The following ANKRD26 variants were observed in gnomAD, a reference collection of about 807,000 sequenced individuals.
ANKRD26 encodes the protein ankyrin repeat domain 26, also known as ankyrin repeat domain-containing protein 26.
ANKRD26 carries 141 observed loss-of-function variants against 208.7 expected under a neutral mutation model. That is an observed-to-expected ratio of 0.68 (90% CI 0.59 to 0.78). The LOEUF (loss-of-function observed/expected upper bound fraction) is 0.78. Among genes scored for constraint, ANKRD26 ranks in the 30% least tolerant of loss-of-function variants. The pLI, the probability that ANKRD26 is intolerant of heterozygous loss-of-function variation, is 0.00. For missense variants in ANKRD26, 1,889 were observed against 1,938.7 expected (o/e 0.97, Z 0.48); for synonymous variants, 636 against 660.4 (o/e 0.96, Z 0.57).
chr10:27,093,580 C>G, intron 2 of ANKRD26, 58 bp from the exon 3 acceptor site: 1 of 1,603,566 alleles, frequency 6.2e-7, no homozygotes, highest in South Asian at 1.1e-5. Flanking sequence ...AATAAACACT[C>G]CACAGGTTTC....
chr10:27,046,361 A>G lies in ANKRD26; in HGVS notation c.1977T>C (p.Asp659=), dbSNP rs188645224. Residue 659 remains aspartate, a synonymous_variant, in exon 18 of 34, where the codon GAT becomes GAC. Transcript: ENST00000376087. ...DDSSLSEIDE[D]EGRPTKKTSN... Reference sequence around the variant, plus strand: ...GAAATCATAGATTTTACCTTCCTTCATCCTCATCTATTTCACTTAAACTGC... The same window carrying G: ...GAAATCATAGATTTTACCTTCCTTCGTCCTCATCTATTTCACTTAAACTGC... 4 of 1,613,964 alleles carry G rather than the reference A, an allele frequency of 2.5e-6. No individual in the cohort carries two copies. The East Asian group carries it at 6.7e-5, about 27-fold the overall frequency.
In ANKRD26 at chr10:27,005,574, A is replaced by G. The variant is rs762398833; in HGVS notation, c.*16T>C. On this transcript the variant is annotated 3_prime_UTR_variant, in exon 34 of 34. Coordinates refer to ENST00000376087, the MANE Select transcript of ANKRD26 (RefSeq NM_014915.3). ...CAAAATGTCACATAAACAGCCCAGT[A>G]ATAAAATCTTATCTTTCAGATCATA... 18 of 1,603,134 alleles carry G rather than the reference A, an allele frequency of 1.1e-5. No individual in the cohort carries two copies. In the South Asian group the frequency reaches 1.8e-4, roughly 16 times the overall value.
At chr10:27,032,508 C>T (rs1215355380) in intron 25 of ANKRD26, among the ~76,000 whole-genome samples, 2 of 152,010 alleles carry the variant, frequency 1.3e-5, no homozygotes, top group Non-Finnish European at 2.9e-5. Flanking sequence ...TGGTGGTGGG[C>T]ACCTGTAATC....
chr10:27,005,478 C>G lies in ANKRD26; in HGVS notation c.*112G>C. 6.7e-7 allele frequency: 1 copy of G among 1,481,998 alleles called. No individual in the cohort carries two copies. Among genetic ancestry groups the G allele is most frequent in the Non-Finnish European group, 8.9e-7 (1 of 1,119,568 alleles). 91.8% of individuals were successfully genotyped at this position (1,481,998 alleles called of 1,614,324 possible). A position where few individuals can be genotyped will look rare whatever the true frequency, so the allele number is the denominator to read the frequency against. ...TTTAAAATACTATATAAATTTTGATCTGACATATATGATACAAAAATACGT... is the reference window on the plus strand; with the variant it reads ...TTTAAAATACTATATAAATTTTGATGTGACATATATGATACAAAAATACGT... On this transcript the variant is annotated 3_prime_UTR_variant, in exon 34 of 34. Transcript: ENST00000376087.
At chr10:26,960,914 T>C in the ANKRD26 span, among the ~76,000 whole-genome samples, 1 of 152,154 alleles carries the variant, frequency 6.6e-6, no homozygotes, top group Admixed American at 6.6e-5. Context: ...TTGCTAGGGC[T>C]TTAAATTAAG....
intron 18 of ANKRD26, among the ~76,000 whole-genome samples, chr10:27,045,507 G>C (rs1367795225): frequency 6.6e-6 from 1 of 151,108 alleles, no homozygotes; most frequent in East Asian, 1.9e-4. Context: ...TAATATTTTA[G>C]AACTTTATAA....
chr10:27,096,720 C>T (rs2056476566), intron 1 of ANKRD26, among the ~76,000 whole-genome samples: 1 of 141,942 alleles, frequency 7.0e-6, no homozygotes, highest in Admixed American at 7.2e-5. Context: ...GAGCCAAGAT[C>T]ATGCCAACTC....
At chr10:27,046,637 G>T in intron 17 of ANKRD26, 114 bp from the exon 18 acceptor site, 1 of 987,376 alleles carries the variant, frequency 1.0e-6, no homozygotes, top group Non-Finnish European at 1.5e-6. Flanking sequence ...AAAAGCCAAT[G>T]TTTTCTAGTA....
rs955819462 is a variant in ANKRD26 at position 27,021,018 on chromosome 10, C to T, written c.4215+1540G>A. On this transcript the variant is annotated intron_variant, in intron 29 of 33. Coordinates refer to ENST00000376087, the MANE Select transcript of ANKRD26 (RefSeq NM_014915.3). ...ATTTTTATTTTAGATTGAAAGGGTACATATGCAGGCTTGTTACTATACTGC... is the reference window on the plus strand; with the variant it reads ...ATTTTTATTTTAGATTGAAAGGGTATATATGCAGGCTTGTTACTATACTGC... 9.2e-5 allele frequency among the ~76,000 whole-genome samples: 14 copies of T among 152,068 alleles called. No individual in the cohort carries two copies. The East Asian group carries it at 2.7e-3, about 29-fold the overall frequency.
chr10:27,001,646 G>A (rs912540703), downstream of ANKRD26, among the ~76,000 whole-genome samples: 1 of 152,180 alleles, frequency 6.6e-6, no homozygotes, highest in Non-Finnish European at 1.5e-5. Flanking sequence ...ATGCAGATGG[G>A]TTCTCTGCCT....
downstream of ANKRD26, among the ~76,000 whole-genome samples, chr10:26,969,805 C>CT (rs2052117090): frequency 6.7e-6 from 1 of 148,304 alleles, no homozygotes; most frequent in African/African-American, 2.5e-5. Flanking sequence ...TTACCTTTTA[C>CT]TTTCTGTTTT....
chr10:27,033,438 A>G (rs1258320115), intron 24 of ANKRD26, 61 bp from the exon 25 acceptor site: 2 of 1,485,506 alleles, frequency 1.3e-6, no homozygotes, highest in African/African-American at 2.8e-5. Context: ...ATGTTAAAAA[A>G]TAAATTATGT....
chr10:27,086,493 A>G, intron 5 of ANKRD26, 46 bp downstream of exon 5: 1 of 1,594,848 alleles, frequency 6.3e-7, no homozygotes, highest in Non-Finnish European at 8.6e-7. Context: ...TTACTTTTTT[A>G]TCCATGGTAC....
chr10:27,022,466 A>G, intron 29 of ANKRD26, 92 bp downstream of exon 29: 1 of 1,100,412 alleles, frequency 9.1e-7, no homozygotes. Flanking sequence ...AGTTAAAAAA[A>G]AAAATCTTTA....
In ANKRD26 at chr10:27,093,307, C is replaced by T. The variant is rs2297146; in HGVS notation, c.531+42G>A. On this transcript the variant is annotated intron_variant, in intron 3 of 33. Coordinates refer to ENST00000376087, the MANE Select transcript of ANKRD26 (RefSeq NM_014915.3). ...TTACATATGTCACTGTTGAAACAAA[C>T]GCATTTCAAATACTGTAAAAATAAA... 0.13 allele frequency: 198,197 copies of T among 1,570,602 alleles called. 13,895 individuals carry two copies. Among genetic ancestry groups the T allele is most frequent in the East Asian group, 0.28 (12,327 of 44,310 alleles).
the ANKRD26 span, among the ~76,000 whole-genome samples, chr10:26,966,808 A>T: frequency 6.6e-6 from 1 of 152,188 alleles, no homozygotes; most frequent in African/African-American, 2.4e-5. Context: ...CTCATTGCAG[A>T]TCCAGTGGCA....
downstream of ANKRD26, among the ~76,000 whole-genome samples, chr10:26,991,121 G>C (rs546673568): frequency 1.7e-4 from 26 of 152,266 alleles, no homozygotes; most frequent in African/African-American, 5.8e-4. Flanking sequence ...AATTGGGGAG[G>C]TCAGGGATCC....
chr10:26,957,330 G>A, the ANKRD26 span, among the ~76,000 whole-genome samples: 2 of 152,184 alleles, frequency 1.3e-5, no homozygotes, highest in Non-Finnish European at 2.9e-5. Context: ...AGAGGTTGCA[G>A]TGAGCCAAAG....
intron 4 of ANKRD26, 105 bp from the exon 5 acceptor site, chr10:27,086,714 C>A: frequency 2.4e-6 from 3 of 1,250,362 alleles, no homozygotes; most frequent in Non-Finnish European, 2.2e-6. Flanking sequence ...GAGCTAACAG[C>A]AGAATTTTAA....
Sources: allele counts gnomAD v4.1 joint callset (sites outside exome capture counted in the v4.1 genomes callset), GRCh38; gene constraint gnomAD v4.1.1; transcripts MANE v1.5; gene names NCBI Gene and HGNC (gene_info 2026-07-23, HGNC 2026-07-21).